NRG3: variants seen among roughly 807,000 people sequenced by gnomAD.
NRG3 encodes pro-neuregulin-3, membrane-bound isoform.
A neutral mutation model predicts 66.9 loss-of-function variants in NRG3; 31 were observed. The ratio of observed to expected loss-of-function variants is 0.46; its 90% CI spans 0.35 to 0.63. The LOEUF (loss-of-function observed/expected upper bound fraction) is 0.63. Among genes scored for constraint, NRG3 ranks in the 20% least tolerant of loss-of-function variants. The pLI is 0.00. For missense variants in NRG3, 910 were observed against 878.9 expected, an observed-to-expected ratio of 1.04 and a Z score of -0.45; for synonymous variants, 393 against 359.4, an observed-to-expected ratio of 1.09 and a Z score of -1.06.
intron 1 of NRG3, among the ~76,000 whole-genome samples, chr10:81,990,253 C>G (rs2060689193): frequency 6.6e-6 from 1 of 152,110 alleles, no homozygotes; most frequent in East Asian, 1.9e-4. Context: ...CATGCATATG[C>G]TAGTAAGCAG....
intron 2 of NRG3, among the ~76,000 whole-genome samples, chr10:82,693,241 A>ATT (rs2055086549): frequency 6.6e-6 from 1 of 152,208 alleles, no homozygotes; most frequent in Non-Finnish European, 1.5e-5. Context: ...TCAAGCCAAC[A>ATT]GCATTCATTT....
Position 82,186,810 on chromosome 10 carries a change from G to A in NRG3, c.824-171929G>A, listed in dbSNP as rs188227423. Reference sequence around the variant, plus strand: ...CTTTCTGGACATTCAAATCCCTTTCGTAGAAGATTCTGAGGCTTTGAGATA... The same window carrying A: ...CTTTCTGGACATTCAAATCCCTTTCATAGAAGATTCTGAGGCTTTGAGATA... On this transcript the variant is annotated intron_variant, in intron 1 of 8. Transcript: ENST00000372141. Among the ~76,000 whole-genome samples, 128 of 152,178 alleles carry A rather than the reference G, an allele frequency of 8.4e-4. 1 individual carries two copies. The highest frequency in any genetic ancestry group is 2.7e-3 in the African/African-American group (113 of 41,520).
intron 2 of NRG3, among the ~76,000 whole-genome samples, chr10:82,479,428 G>A (rs1032434890): frequency 6.6e-6 from 1 of 151,856 alleles, no homozygotes; most frequent in Non-Finnish European, 1.5e-5. Flanking sequence ...GCCGGGCGCG[G>A]TGGCTCATGC....
intron 1 of NRG3, among the ~76,000 whole-genome samples, chr10:82,256,405 CAA>C (rs2077728858): frequency 2.0e-5 from 3 of 152,148 alleles, no homozygotes; most frequent in Non-Finnish European, 4.4e-5. Context: ...GAGTGCTCCA[CAA>C]AGTCAGGAAG....
intron 1 of NRG3, among the ~76,000 whole-genome samples, chr10:82,293,750 T>A (rs2134642326): frequency 6.6e-6 from 1 of 152,256 alleles, no homozygotes; most frequent in South Asian, 2.1e-4. Flanking sequence ...TCTATGTGAA[T>A]AAATAAGGAA....
chr10:82,710,866 T>A (rs1231211961), intron 2 of NRG3, among the ~76,000 whole-genome samples: 3 of 152,150 alleles, frequency 2.0e-5, no homozygotes, highest in Non-Finnish European at 4.4e-5. Context: ...TGATTTGCAA[T>A]GATCTTTTTA....
At chr10:82,456,702 A>T (rs1433496990) in intron 2 of NRG3, among the ~76,000 whole-genome samples, 1 of 152,138 alleles carries the variant, frequency 6.6e-6, no homozygotes, top group African/African-American at 2.4e-5. Flanking sequence ...TCAATATTTA[A>T]TACATAGAAA....
chr10:82,799,558 C>T (rs994792388), intron 3 of NRG3, among the ~76,000 whole-genome samples: 4 of 149,490 alleles, frequency 2.7e-5, no homozygotes, highest in African/African-American at 9.9e-5. Context: ...TTCAGTCTAA[C>T]GTAAAGGAAA....
chr10:82,495,342 T>C (rs1450323950), intron 2 of NRG3, among the ~76,000 whole-genome samples: 1 of 152,204 alleles, frequency 6.6e-6, no homozygotes, highest in Non-Finnish European at 1.5e-5. Context: ...TTATGCACTC[T>C]AGGATTTTTC....
intron 3 of NRG3, among the ~76,000 whole-genome samples, chr10:82,764,974 A>G (rs1244435169): frequency 6.6e-6 from 1 of 152,226 alleles, no homozygotes; most frequent in South Asian, 2.1e-4. Context: ...TATACTGCCT[A>G]GAACTCTTTA....
intron 2 of NRG3, among the ~76,000 whole-genome samples, chr10:82,709,095 G>A (rs1300682446): frequency 4.6e-5 from 7 of 151,908 alleles, no homozygotes; most frequent in Non-Finnish European, 7.4e-5. Flanking sequence ...ATACCTTTAG[G>A]TTATTTAGAG....
intron 4 of NRG3, among the ~76,000 whole-genome samples, chr10:82,949,568 A>T (rs902898897): frequency 5.3e-5 from 8 of 152,106 alleles, no homozygotes; most frequent in Admixed American, 3.9e-4. Context: ...TTAAATAGAG[A>T]TCCTGGCTGG....
Position 82,912,363 on chromosome 10 carries a change from T to C in NRG3, c.1055-39106T>C, listed in dbSNP as rs1391812975. Among the ~76,000 whole-genome samples the C allele has an allele frequency of 3.3e-5, 5 of 152,342 alleles. No homozygotes were observed. In the East Asian group the frequency reaches 5.8e-4, roughly 18 times the overall value. On this transcript the variant is annotated intron_variant, in intron 4 of 8. Transcript: ENST00000372141. ...GCATCATACATTTTAAAAATTGTTATGTTTTCTGGAAAGTTGACTCCTTTA... is the reference window on the plus strand; with the variant it reads ...GCATCATACATTTTAAAAATTGTTACGTTTTCTGGAAAGTTGACTCCTTTA...
chr10:82,940,332 T>C (rs1848480548), intron 4 of NRG3, among the ~76,000 whole-genome samples: 1 of 152,194 alleles, frequency 6.6e-6, no homozygotes, highest in South Asian at 2.1e-4. Flanking sequence ...TTCTTGCCTC[T>C]TTCTTAGCTT....
chr10:82,009,425 G>T (rs1442217139), intron 1 of NRG3, among the ~76,000 whole-genome samples: 1 of 152,066 alleles, frequency 6.6e-6, no homozygotes, highest in African/African-American at 2.4e-5. Context: ...AGGTGGTTGA[G>T]CCTTTCACCA....
chr10:81,919,938 T>C (rs1417088909), intron 1 of NRG3, among the ~76,000 whole-genome samples: 1 of 152,216 alleles, frequency 6.6e-6, no homozygotes, highest in East Asian at 1.9e-4. Flanking sequence ...TTCTTGATTT[T>C]GTTCTTCCCC....
At chr10:82,568,829 G>A (rs1333279209) in intron 2 of NRG3, among the ~76,000 whole-genome samples, 2 of 151,676 alleles carry the variant, frequency 1.3e-5, no homozygotes, top group Non-Finnish European at 2.9e-5. Context: ...CTGTTTATAT[G>A]TTATACTGCT....
intron 4 of NRG3, among the ~76,000 whole-genome samples, chr10:82,878,762 C>G (rs1360974564): frequency 6.6e-6 from 1 of 152,202 alleles, no homozygotes; most frequent in Non-Finnish European, 1.5e-5. Flanking sequence ...TTACATATAA[C>G]TTTTTCCTTA....
At chr10:81,965,761 T>C (rs2059708595) in intron 1 of NRG3, among the ~76,000 whole-genome samples, 1 of 152,148 alleles carries the variant, frequency 6.6e-6, no homozygotes, top group Non-Finnish European at 1.5e-5. Context: ...TCTGTATATT[T>C]TGATGATTTG....
Sources: allele counts gnomAD v4.1 joint callset (sites outside exome capture counted in the v4.1 genomes callset), GRCh38; gene constraint gnomAD v4.1.1; transcripts MANE v1.5; gene names NCBI Gene and HGNC (gene_info 2026-07-23, HGNC 2026-07-21).